FBN2: variants seen among roughly 807,000 people sequenced by gnomAD.
The protein encoded by FBN2 is fibrillin-2.
A neutral mutation model predicts 355.6 loss-of-function variants in FBN2; 105 were observed. That is an observed-to-expected ratio of 0.30 (90% confidence interval 0.25 to 0.35). The LOEUF is 0.35. Among genes scored for constraint, FBN2 ranks in the 10% least tolerant of loss-of-function variants. The probability of loss-of-function intolerance (pLI) is 1.00; values close to 1 mark genes in which losing one functional copy is unlikely to be tolerated. For synonymous variants in FBN2, 1,350 were observed against 1,301.2 expected (o/e 1.04, Z -0.81); for missense variants, 3,280 against 3,758.7 (o/e 0.87, Z 3.33).
intron 5 of FBN2, among the ~76,000 whole-genome samples, chr5:128,472,584 G>A (rs1209389680): frequency 6.6e-6 from 1 of 152,062 alleles, no homozygotes; most frequent in African/African-American, 2.4e-5. Flanking sequence ...CTGAGGTTGG[G>A]AGTTTGAGAC....
At position 128,305,082 on chromosome 5, in the gene FBN2, T is replaced by C; in HGVS notation, c.5675A>G (p.Asp1892Gly). 1 of 1,605,218 alleles carries C rather than the reference T, an allele frequency of 6.2e-7. No homozygotes were observed. The highest frequency in any genetic ancestry group is 1.7e-4 in the Middle Eastern group (1 of 6,050). ...FKLSPNGACVDRNECLEIPNV... is the reference protein window; with the variant it reads ...FKLSPNGACVGRNECLEIPNV... Reference sequence around the variant, plus strand: ...AGGAATTTCTAAACATTCATTGCGATCTAAAACAGAAAAAAATAAATGTTA... The same window carrying C: ...AGGAATTTCTAAACATTCATTGCGACCTAAAACAGAAAAAAATAAATGTTA... The change falls in exon 45 of 65, where the codon GAT becomes GGT. Residue 1892 changes from aspartate (D) to glycine (G), a missense_variant and splice_region_variant. By Grantham distance (94) the Asp-to-Gly change is moderately conservative. This residue lies in a region of FBN2 where 2,284 missense variants were observed against 2,749.5 expected (regional missense o/e 0.83). Transcript: ENST00000262464.
chr5:128,369,178 C>T lies in FBN2; in HGVS notation c.2248+4G>A, dbSNP rs752467521. The T allele has an allele frequency of 1.2e-6, 2 of 1,614,064 alleles. No homozygotes were observed. Among genetic ancestry groups the T allele is most frequent in the Admixed American group, 1.7e-5 (1 of 60,008 alleles). ...TCAACTGTGAAAATGGCACATGTGA[C>T]TACCTGAATTTTTTGCAGGGCATGG... On this transcript the variant is annotated splice_donor_region_variant and intron_variant, in intron 16 of 64. Coordinates refer to ENST00000262464, the MANE Select transcript of FBN2 (RefSeq NM_001999.4).
chr5:128,484,576 G>A (rs879908547), intron 5 of FBN2, among the ~76,000 whole-genome samples: 1 of 152,200 alleles, frequency 6.6e-6, no homozygotes, highest in Non-Finnish European at 1.5e-5. Flanking sequence ...CATCTTCAGA[G>A]AAACAAAATT....
At chr5:128,273,736 T>C (rs1244759037) in intron 61 of FBN2, 104 bp downstream of exon 61, 8 of 1,208,260 alleles carry the variant, frequency 6.6e-6, no homozygotes, top group Non-Finnish European at 8.5e-6. Flanking sequence ...TTTTGTTCAA[T>C]ACTTTTTTTT....
At chr5:128,524,253 G>A (rs1297034160) in intron 4 of FBN2, among the ~76,000 whole-genome samples, 1 of 152,004 alleles carries the variant, frequency 6.6e-6, no homozygotes, top group Non-Finnish European at 1.5e-5. Context: ...GCACAGACTC[G>A]GATCTGTGTT....
intron 7 of FBN2, among the ~76,000 whole-genome samples, chr5:128,437,811 T>C (rs867138527): frequency 1.2e-4 from 15 of 126,712 alleles, no homozygotes; most frequent in African/African-American, 3.5e-4. Flanking sequence ...GATAGATAGA[T>C]AGATAGATAG....
rs759900485 is a variant in FBN2, at chr5:128,537,643, G to C, written c.-40C>G. On this transcript the variant is annotated 5_prime_UTR_variant, in exon 1 of 65. Transcript: ENST00000262464. ...GCGCGCGGCCGTAGACCCGCGGAGA[G>C]GGAGTGATCAAAGACAAAATCTGCG... 3 of 1,588,948 alleles carry C rather than the reference G, an allele frequency of 1.9e-6. No individual in the cohort carries two copies. Among genetic ancestry groups the C allele is most frequent in the South Asian group, 2.2e-5 (2 of 89,484 alleles).
intron 7 of FBN2, among the ~76,000 whole-genome samples, chr5:128,436,928 C>T (rs10519994): frequency 0.11 from 16,582 of 152,140 alleles, 1,062 homozygotes; most frequent in African/African-American, 0.17. Context: ...GAATATCAAG[C>T]TCTTTGTTCT....
intron 11 of FBN2, among the ~76,000 whole-genome samples, chr5:128,388,490 T>C (rs976062554): frequency 1.3e-5 from 2 of 152,228 alleles, no homozygotes; most frequent in East Asian, 1.9e-4. Context: ...CTTTCATTTC[T>C]ATGTTTAACA....
chr5:128,276,695 C>T (rs992075879), intron 58 of FBN2, among the ~76,000 whole-genome samples: 1 of 152,140 alleles, frequency 6.6e-6, no homozygotes, highest in Non-Finnish European at 1.5e-5. Context: ...GCCCTTATTT[C>T]CTCAACTCCC....
intron 62 of FBN2, among the ~76,000 whole-genome samples, chr5:128,268,404 G>C (rs944240852): frequency 6.6e-6 from 1 of 151,956 alleles, no homozygotes; most frequent in Non-Finnish European, 1.5e-5. Context: ...CCAAAAAAAA[G>C]CCCAGGACCA....
intron 7 of FBN2, 116 bp from the exon 8 acceptor site, chr5:128,408,915 T>C: frequency 2.7e-6 from 3 of 1,115,966 alleles, no homozygotes; most frequent in Non-Finnish European, 4.1e-6. Flanking sequence ...TCAGATCATA[T>C]AACCCTGAAG....
At chr5:128,391,284 A>T (rs1253208057) in intron 11 of FBN2, among the ~76,000 whole-genome samples, 1 of 152,156 alleles carries the variant, frequency 6.6e-6, no homozygotes, top group Admixed American at 6.5e-5. Flanking sequence ...TCATTCCTCA[A>T]CAAAACAGAA....
intron 6 of FBN2, among the ~76,000 whole-genome samples, chr5:128,459,081 G>A (rs1169217791): frequency 6.6e-6 from 1 of 151,984 alleles, no homozygotes; most frequent in Non-Finnish European, 1.5e-5. Context: ...AGAATGAAGA[G>A]AAGAATCAAA....
chr5:128,318,874 C>A lies in FBN2; in HGVS notation c.4594+5G>T. Reference sequence around the variant, plus strand: ...GAACACAACTTAGCTGGTAACTGACCATACCTGTACAGTTCCCTCCTGTTC... The same window carrying A: ...GAACACAACTTAGCTGGTAACTGACAATACCTGTACAGTTCCCTCCTGTTC... On this transcript the variant is annotated splice_donor_5th_base_variant and intron_variant, in intron 35 of 64. Coordinates refer to ENST00000262464, the MANE Select transcript of FBN2 (RefSeq NM_001999.4). 6.2e-7 allele frequency: 1 copy of A among 1,612,102 alleles called. No homozygotes were observed.
intron 5 of FBN2, among the ~76,000 whole-genome samples, chr5:128,479,603 T>C (rs1417622869): frequency 6.6e-6 from 1 of 151,962 alleles, no homozygotes; most frequent in Non-Finnish European, 1.5e-5. Flanking sequence ...TGAAAAGACA[T>C]GATAAAGATT....
chr5:128,466,058 G>C (rs552938666), intron 5 of FBN2, among the ~76,000 whole-genome samples: 3 of 152,136 alleles, frequency 2.0e-5, no homozygotes, highest in African/African-American at 7.2e-5. Context: ...GAAACTTTTC[G>C]ATGATCGGTG....
chr5:128,495,331 C>T (rs1274237475), intron 5 of FBN2, among the ~76,000 whole-genome samples: 1 of 151,494 alleles, frequency 6.6e-6, no homozygotes, highest in African/African-American at 2.4e-5. Context: ...ATTAAGCACA[C>T]CAAAAATACG....
chr5:128,387,750 G>T (rs182940115), intron 11 of FBN2, among the ~76,000 whole-genome samples: 7 of 152,054 alleles, frequency 4.6e-5, no homozygotes, highest in Non-Finnish European at 8.8e-5. Flanking sequence ...ACTAAGAATT[G>T]TTTATTGCCA....
Sources: allele counts gnomAD v4.1 joint callset (sites outside exome capture counted in the v4.1 genomes callset), GRCh38; gene constraint gnomAD v4.1.1; regional missense constraint gnomAD v4.1.1; transcripts MANE v1.5; gene names NCBI Gene and HGNC (gene_info 2026-07-23, HGNC 2026-07-21).